Variants in HDAC9 observed in about 807,000 individuals in gnomAD.
The protein encoded by HDAC9 is histone deacetylase 9, also known as MEF-2 interacting transcription repressor (MITR) protein.
HDAC9 carries 41 observed loss-of-function variants against 139.4 expected under a neutral mutation model. The observed-to-expected ratio is 0.29, with a 90% CI of 0.23 to 0.38. HDAC9 has a LOEUF of 0.38. Among genes scored for constraint, HDAC9 ranks in the 10% least tolerant of loss-of-function variants. The probability of loss-of-function intolerance (pLI) is 1.00; values close to 1 mark genes in which losing one functional copy is unlikely to be tolerated. For synonymous variants in HDAC9, 517 were observed against 476.2 expected (o/e 1.09, Z -1.12); for missense variants, 1,147 against 1,297.0 (o/e 0.88, Z 1.78).
intron 2 of HDAC9, among the ~76,000 whole-genome samples, chr7:18,511,595 CAAAT>C (rs973674062): frequency 6.6e-6 from 1 of 151,968 alleles, no homozygotes; most frequent in African/African-American, 2.4e-5. Context: ...GACTCTGTCT[CAAAT>C]AAATAAATAA....
intron 12 of HDAC9, among the ~76,000 whole-genome samples, chr7:18,706,559 A>G (rs143050595): frequency 1.3e-5 from 2 of 152,302 alleles, no homozygotes; most frequent in East Asian, 3.9e-4. Flanking sequence ...AAACTGATAA[A>G]CAAAGAACTC....
rs1562944981 is a variant in HDAC9 at position 18,792,271 on chromosome 7, A to ATTT, written c.2215-1074_2215-1073insTTT. 1.2e-3 allele frequency among the ~76,000 whole-genome samples: 174 copies of ATTT among 150,124 alleles called. 1 individual carries two copies. The highest frequency in any genetic ancestry group is 3.8e-3 in the African/African-American group (154 of 40,704). On this transcript the variant is annotated intron_variant, in intron 16 of 25. Transcript: ENST00000686413. ...CATTTAATTCTCTTTTTTTTTTAAA[A>ATTT]AAAAAAAAAAAAGCTTTGTTTTATG...
At chr7:18,653,895 C>A (rs1445866853) in intron 11 of HDAC9, among the ~76,000 whole-genome samples, 1 of 152,040 alleles carries the variant, frequency 6.6e-6, no homozygotes, top group Non-Finnish European at 1.5e-5. Flanking sequence ...TTGATTTATA[C>A]CCATTCCCTG....
At chr7:18,576,484 A>G (rs1825970493) in intron 2 of HDAC9, among the ~76,000 whole-genome samples, 1 of 151,980 alleles carries the variant, frequency 6.6e-6, no homozygotes, top group South Asian at 2.1e-4. Flanking sequence ...AAATGTAGTA[A>G]AACCCCATCT....
At chr7:18,672,248 A>G (rs1007702248) in intron 12 of HDAC9, among the ~76,000 whole-genome samples, 1 of 151,974 alleles carries the variant, frequency 6.6e-6, no homozygotes, top group Admixed American at 6.6e-5. Flanking sequence ...TAGCCATCCT[A>G]GTGAGTATGC....
intron 2 of HDAC9, among the ~76,000 whole-genome samples, chr7:18,180,058 C>T (rs1789267167): frequency 6.6e-6 from 1 of 152,154 alleles, no homozygotes; most frequent in Non-Finnish European, 1.5e-5. Context: ...TAGGTTTGCT[C>T]ACTTTTGAGC....
intron 13 of HDAC9, among the ~76,000 whole-genome samples, chr7:18,733,023 A>G (rs1380971398): frequency 5.4e-4 from 78 of 145,716 alleles, no homozygotes; most frequent in African/African-American, 1.9e-3. Flanking sequence ...ATGTGTGTAT[A>G]TATGTATATA....
Position 18,249,407 on chromosome 7 carries a change from G to T in HDAC9, c.25+87058G>T, listed in dbSNP as rs1332020490. ...AATCCCAGCTAGTCGGGAGGCTGAG[G>T]TGTGAGAATCGCTTGAGCCTGGGAA... On this transcript the variant is annotated intron_variant, in intron 2 of 12. Coordinates refer to the HDAC9 transcript ENST00000417496. 5.3e-5 allele frequency among the ~76,000 whole-genome samples: 8 copies of T among 150,068 alleles called. No individual in the cohort carries two copies. The Admixed American group carries it at 5.3e-4, about 10-fold the overall frequency.
intron 12 of HDAC9, among the ~76,000 whole-genome samples, chr7:18,725,338 T>C (rs139992013): frequency 1.1e-3 from 162 of 152,278 alleles, no homozygotes; most frequent in African/African-American, 3.6e-3. Context: ...GCCCTCGGAA[T>C]GATATCTGAT....
intron 14 of HDAC9, among the ~76,000 whole-genome samples, chr7:18,753,048 A>T: frequency 6.6e-6 from 1 of 152,224 alleles, no homozygotes; most frequent in Non-Finnish European, 1.5e-5. Context: ...CCATTCGATG[A>T]TGTTTATCAA....
intron 12 of HDAC9, among the ~76,000 whole-genome samples, chr7:18,714,253 G>C: frequency 6.6e-6 from 1 of 152,142 alleles, no homozygotes; most frequent in East Asian, 1.9e-4. Flanking sequence ...AGATTAAGTT[G>C]CCTACTCTAC....
At chr7:18,791,062 A>G (rs1792259927) in intron 16 of HDAC9, among the ~76,000 whole-genome samples, 1 of 152,228 alleles carries the variant, frequency 6.6e-6, no homozygotes, top group Admixed American at 6.5e-5. Flanking sequence ...GGTATCACGC[A>G]AACGTATTTG....
intron 22 of HDAC9, among the ~76,000 whole-genome samples, chr7:18,905,898 CCTT>C (rs1421607081): frequency 7.3e-5 from 11 of 150,802 alleles, no homozygotes; most frequent in Middle Eastern, 6.8e-3. Context: ...CCTTTCTTTT[CCTT>C]CTTTTCTTTC....
chr7:18,883,605 GT>G (rs1266739018), intron 22 of HDAC9, among the ~76,000 whole-genome samples: 3 of 151,952 alleles, frequency 2.0e-5, no homozygotes, highest in East Asian at 1.9e-4. Flanking sequence ...AAAAATAAAA[GT>G]TTTTTTCCTA....
chr7:18,441,732 G>T (rs989402503), intron 1 of HDAC9, among the ~76,000 whole-genome samples: 1 of 151,984 alleles, frequency 6.6e-6, no homozygotes, highest in Non-Finnish European at 1.5e-5. Context: ...TCCAGAAAGG[G>T]ACATATATAT....
chr7:18,271,164 T>C (rs1197394007), intron 2 of HDAC9, among the ~76,000 whole-genome samples: 3 of 152,192 alleles, frequency 2.0e-5, no homozygotes, highest in Non-Finnish European at 4.4e-5. Context: ...AATGCTTTCT[T>C]GTAGAACGTG....
chr7:18,818,803 G>A (rs1208027785), intron 17 of HDAC9, among the ~76,000 whole-genome samples: 2 of 152,156 alleles, frequency 1.3e-5, no homozygotes, highest in African/African-American at 2.4e-5. Flanking sequence ...ATTAGTAGCA[G>A]TTCTTACCAT....
Position 18,797,630 on chromosome 7 carries a change from C to G in HDAC9, c.2322+4178C>G, listed in dbSNP as rs558740822. 2.6e-5 allele frequency among the ~76,000 whole-genome samples: 4 copies of G among 152,058 alleles called. No homozygotes were observed. In the South Asian group the frequency reaches 6.2e-4, roughly 24 times the overall value. ...ATGACTTGAGGTCTGGTGTTCAAGACCAGCCTGGCCAACGTGGCAAAACCC... is the reference window on the plus strand; with the variant it reads ...ATGACTTGAGGTCTGGTGTTCAAGAGCAGCCTGGCCAACGTGGCAAAACCC... On this transcript the variant is annotated intron_variant, in intron 17 of 25. Coordinates refer to ENST00000686413, the MANE Select transcript of HDAC9 (RefSeq NM_178425.4).
At chr7:18,138,307 C>G (rs1785599846) in intron 1 of HDAC9, among the ~76,000 whole-genome samples, 1 of 152,048 alleles carries the variant, frequency 6.6e-6, no homozygotes, top group African/African-American at 2.4e-5. Flanking sequence ...GAGCCCTGAT[C>G]TATTAATACC....
Sources: allele counts gnomAD v4.1 joint callset (sites outside exome capture counted in the v4.1 genomes callset), GRCh38; gene constraint gnomAD v4.1.1; transcripts MANE v1.5; gene names NCBI Gene and HGNC (gene_info 2026-07-23, HGNC 2026-07-21).